PARD3B: variants seen among roughly 807,000 people sequenced by gnomAD.
The protein encoded by PARD3B is par-3 family cell polarity regulator beta.
In PARD3B, 103 loss-of-function variants were observed where a neutral mutation model predicts 130.2. That is an observed-to-expected ratio of 0.79 (90% CI 0.67 to 0.93). The LOEUF (loss-of-function observed/expected upper bound fraction) is 0.93, where lower values mean the gene tolerates loss of function less well. Among genes scored for constraint, PARD3B ranks in the 40% least tolerant of loss-of-function variants. The pLI is 0.00. For missense variants in PARD3B, 1,609 were observed against 1,499.2 expected (o/e 1.07, Z -1.21); for synonymous variants, 583 against 553.2 (o/e 1.05, Z -0.76).
chr2:204,562,291 T>A (rs1304931549), intron 1 of PARD3B, among the ~76,000 whole-genome samples: 1 of 152,196 alleles, frequency 6.6e-6, no homozygotes. Flanking sequence ...TCAGATCAAG[T>A]GACTCAGAAA....
chr2:205,361,840 CA>C (rs1382363239), intron 18 of PARD3B, among the ~76,000 whole-genome samples: 2 of 89,646 alleles, frequency 2.2e-5, no homozygotes, highest in Non-Finnish European at 3.1e-5. Context: ...CTCCCAAACA[CA>C]TTTTTTTTTC....
chr2:205,498,653 C>T (rs542262956), intron 20 of PARD3B, among the ~76,000 whole-genome samples: 3 of 152,322 alleles, frequency 2.0e-5, no homozygotes, highest in African/African-American at 2.4e-5. Context: ...CCAAAGTGAT[C>T]GACTTGCATG....
intron 2 of PARD3B, among the ~76,000 whole-genome samples, chr2:204,828,580 T>G (rs75849645): frequency 1.3e-5 from 2 of 152,194 alleles, no homozygotes; most frequent in East Asian, 1.9e-4. Flanking sequence ...TCCTTTCACT[T>G]AAGTGCCTGC....
intron 15 of PARD3B, among the ~76,000 whole-genome samples, chr2:205,210,450 G>A (rs1175132695): frequency 6.6e-6 from 1 of 152,096 alleles, no homozygotes; most frequent in Non-Finnish European, 1.5e-5. Context: ...TGGAATAAAT[G>A]TAGCGTGATT....
intron 19 of PARD3B, among the ~76,000 whole-genome samples, chr2:205,410,471 A>G (rs2046559624): frequency 6.6e-6 from 1 of 152,112 alleles, no homozygotes; most frequent in South Asian, 2.1e-4. Flanking sequence ...TATAGTTTCT[A>G]TTTTTAGTAC....
At chr2:204,800,475 A>G (rs1362597698) in intron 2 of PARD3B, among the ~76,000 whole-genome samples, 2 of 152,206 alleles carry the variant, frequency 1.3e-5, no homozygotes, top group African/African-American at 2.4e-5. Flanking sequence ...ATTCAAATGG[A>G]TAATAACAGA....
chr2:205,030,878 C>G (rs549260925), intron 3 of PARD3B, among the ~76,000 whole-genome samples: 2 of 152,244 alleles, frequency 1.3e-5, no homozygotes, highest in African/African-American at 4.8e-5. Flanking sequence ...TTACCCAACC[C>G]TTGCTAAGAT....
chr2:205,614,102 A>T (rs1172543762), intron 22 of PARD3B, among the ~76,000 whole-genome samples: 1 of 152,204 alleles, frequency 6.6e-6, no homozygotes, highest in African/African-American at 2.4e-5. Flanking sequence ...CAGAAGGTTT[A>T]TGAGATTTTA....
intron 16 of PARD3B, among the ~76,000 whole-genome samples, chr2:205,294,418 G>A (rs2041716264): frequency 6.6e-6 from 1 of 152,114 alleles, no homozygotes; most frequent in Admixed American, 6.6e-5. Flanking sequence ...GACATAATCT[G>A]AGTTCAGGAA....
rs977284826 is a variant in PARD3B at position 204,731,298 on chromosome 2, A to G, written c.222+45016A>G. On this transcript the variant is annotated intron_variant, in intron 2 of 22. Transcript: ENST00000406610. The stretch of plus-strand genomic sequence containing the variant: ...ACAATGCTTTATCATCACTTACTCA[A>G]TTTATCTAATTTAAGACCAATAACA... Among the ~76,000 whole-genome samples the G allele has an allele frequency of 1.1e-4, 16 of 152,124 alleles. 1 individual carries two copies. Among genetic ancestry groups the G allele is most frequent in the African/African-American group, 2.9e-4 (12 of 41,414 alleles).
intron 2 of PARD3B, among the ~76,000 whole-genome samples, chr2:204,831,699 C>CGCT (rs1559180357): frequency 6.6e-6 from 1 of 151,888 alleles, no homozygotes; most frequent in African/African-American, 2.4e-5. Context: ...AAACCCTTCT[C>CGCT]GTAGTTGTTT....
At chr2:205,335,342 A>G (rs1349388603) in intron 18 of PARD3B, among the ~76,000 whole-genome samples, 6 of 152,178 alleles carry the variant, frequency 3.9e-5, no homozygotes. Flanking sequence ...GCTTACCATC[A>G]TGCTTTCTGA....
chr2:204,846,039 G>A (rs79283103), intron 2 of PARD3B, among the ~76,000 whole-genome samples: 1,569 of 151,666 alleles, frequency 0.01, 13 homozygotes, highest in Non-Finnish European at 0.016. Context: ...TGAATATGAA[G>A]AAAAGTTTCT....
chr2:205,206,389 C>T (rs1241499351), intron 15 of PARD3B, among the ~76,000 whole-genome samples: 3 of 146,646 alleles, frequency 2.0e-5, no homozygotes, highest in African/African-American at 7.6e-5. Context: ...ACAACAGTCC[C>T]CAGAGTGTGA....
At chr2:204,992,704 C>A (rs1575501190) in intron 3 of PARD3B, among the ~76,000 whole-genome samples, 1 of 108,976 alleles carries the variant, frequency 9.2e-6, no homozygotes, top group Admixed American at 1.0e-4. Context: ...TTCTTCCTAC[C>A]CATGAGCATG....
At chr2:205,304,093 T>C (rs1296679369) in intron 18 of PARD3B, among the ~76,000 whole-genome samples, 28 of 152,170 alleles carry the variant, frequency 1.8e-4, no homozygotes, top group Non-Finnish European at 1.3e-4. Context: ...AATTTCTACA[T>C]AGAAAAGAAA....
At chr2:205,284,660 T>G (rs931647637) in intron 16 of PARD3B, among the ~76,000 whole-genome samples, 1 of 152,160 alleles carries the variant, frequency 6.6e-6, no homozygotes, top group African/African-American at 2.4e-5. Flanking sequence ...TATCCTAATG[T>G]TTTTTATTCT....
chr2:204,866,304 T>C (rs2045412129), intron 2 of PARD3B, among the ~76,000 whole-genome samples: 1 of 152,150 alleles, frequency 6.6e-6, no homozygotes, highest in East Asian at 1.9e-4. Flanking sequence ...GGTTACTTAT[T>C]CTCTGTGAGC....
At chr2:204,827,358 G>T (rs986762483) in intron 2 of PARD3B, among the ~76,000 whole-genome samples, 3 of 152,156 alleles carry the variant, frequency 2.0e-5, no homozygotes, top group Admixed American at 6.6e-5. Context: ...AGTGACAGAG[G>T]TGAGGATTTG....
Sources: allele counts gnomAD v4.1 joint callset (sites outside exome capture counted in the v4.1 genomes callset), GRCh38; gene constraint gnomAD v4.1.1; transcripts MANE v1.5; gene names NCBI Gene and HGNC (gene_info 2026-07-23, HGNC 2026-07-21).